Variants in LAMA3 observed in about 807,000 individuals in gnomAD.
LAMA3 encodes laminin subunit alpha 3.
A neutral mutation model predicts 402.0 loss-of-function variants in LAMA3; 281 were observed. The ratio of observed to expected loss-of-function variants is 0.70; its 90% CI spans 0.63 to 0.77. The LOEUF is 0.77. Among genes scored for constraint, LAMA3 ranks in the 30% least tolerant of loss-of-function variants. The pLI is 0.00. For missense variants in LAMA3, 3,840 were observed against 4,215.5 expected, an observed-to-expected ratio of 0.91 and a Z score of 2.47; for synonymous variants, 1,431 against 1,558.4, an observed-to-expected ratio of 0.92 and a Z score of 1.93.
rs752860014 is a variant in LAMA3 at position 23,901,215 on chromosome 18, C to T, written c.6093C>T (p.Tyr2031=). 9 of 1,614,018 alleles carry T rather than the reference C, an allele frequency of 5.6e-6. No individual in the cohort carries two copies. The highest frequency in any genetic ancestry group is 5.0e-5 in the Admixed American group (3 of 59,996). The change falls in exon 48 of 75, where the codon TAC becomes TAT. Residue 2031 remains tyrosine, a synonymous_variant. Transcript: ENST00000313654. ...GTATCCGGGATTCTTTAAATGAATA[C>T]GAAGCCAAACTCAGTGACCTTCGTG... ...ANSIRDSLNE[Y]EAKLSDLRAR...
At chr18:23,734,219 C>G (rs2061437089) in intron 2 of LAMA3, among the ~76,000 whole-genome samples, 3 of 152,208 alleles carry the variant, frequency 2.0e-5, no homozygotes, top group Admixed American at 1.3e-4. Context: ...CCTGGCTCAC[C>G]AGGATTTCCA....
In LAMA3 at chr18:23,875,708, G is replaced by A. The variant is rs2064686435; in HGVS notation, c.4999-586G>A. On this transcript the variant is annotated intron_variant, in intron 38 of 74. Coordinates refer to ENST00000313654, the MANE Select transcript of LAMA3 (RefSeq NM_198129.4). ...CCTCACCAGCCCAAACCCACACTTG[G>A]AGAGAAAACGGCTAGCCAAAGATAA... Among the ~76,000 whole-genome samples the A allele has an allele frequency of 2.0e-5, 3 of 152,148 alleles. No individual in the cohort carries two copies. The South Asian group carries it at 6.2e-4, about 32-fold the overall frequency.
intron 59 of LAMA3, among the ~76,000 whole-genome samples, chr18:23,916,107 T>C (rs1197572746): frequency 6.6e-6 from 1 of 151,726 alleles, no homozygotes; most frequent in Non-Finnish European, 1.5e-5. Context: ...ACTTTTTTGG[T>C]ACTCTTCCAC....
In LAMA3 at chr18:23,901,285, T is replaced by G; in HGVS notation, c.6163T>G (p.Leu2055Val). The part of the protein sequence containing the change: ...AAAQAKQANG[L>V]NQENERALGA... ...TGCCCAAGCCAAGCAGGCAAATGGC[T>G]TGAACCAAGAAAACGAGAGAGCTTT... The change falls in exon 48 of 75, where the codon TTG (leucine) becomes GTG (valine). Residue 2055 changes from leucine (L) to valine (V), a missense_variant. Around this residue, in one of 3 missense-constraint regions of LAMA3, gnomAD observed 891 missense variants for 857.5 expected, o/e 1.04. Transcript: ENST00000313654. The G allele has an allele frequency of 6.2e-7, 1 of 1,614,170 alleles. No individual in the cohort carries two copies. Among genetic ancestry groups the G allele is most frequent in the Non-Finnish European group, 8.5e-7 (1 of 1,180,026 alleles).
intron 12 of LAMA3, among the ~76,000 whole-genome samples, chr18:23,790,827 A>G (rs578215512): frequency 2.6e-5 from 4 of 152,210 alleles, no homozygotes; most frequent in African/African-American, 9.6e-5. Flanking sequence ...ACCATTATCT[A>G]TAAAGAGCAA....
chr18:23,895,124 A>T (rs1163728747), intron 44 of LAMA3, 66 bp downstream of exon 44: 2 of 1,524,534 alleles, frequency 1.3e-6, no homozygotes, highest in Non-Finnish European at 1.8e-6. Flanking sequence ...ATTCTCCATA[A>T]GCAGGAAGGG....
Position 23,784,047 on chromosome 18 carries a change from T to C in LAMA3, c.1493T>C (p.Val498Ala), listed in dbSNP as rs781450114. The stretch of plus-strand genomic sequence containing the variant: ...GGGTGTGACTGTAATCTGGAAGGTG[T>C]TCTCCCTGAAATATGTGATGCCCAC... ...IKGCDCNLEGVLPEICDAHGR... is the reference protein window; with the variant it reads ...IKGCDCNLEGALPEICDAHGR... Residue 498 changes from valine to alanine, a missense_variant, in exon 12 of 75, where the codon GTT becomes GCT. This residue lies in a region of LAMA3 where 2,109 missense variants were observed against 2,376.0 expected (regional missense o/e 0.89). Coordinates refer to ENST00000313654, the MANE Select transcript of LAMA3 (RefSeq NM_198129.4). 21 of 1,614,096 alleles carry C rather than the reference T, an allele frequency of 1.3e-5. No individual in the cohort carries two copies. The Admixed American group carries it at 3.5e-4, about 27-fold the overall frequency.
At chr18:23,857,192 C>G (rs141169152) in intron 32 of LAMA3, among the ~76,000 whole-genome samples, 490 of 152,320 alleles carry the variant, frequency 3.2e-3, no homozygotes, top group African/African-American at 0.011. Flanking sequence ...ATGGTCAGAG[C>G]TGGATTAGAA....
chr18:23,695,123 C>A, intron 1 of LAMA3, among the ~76,000 whole-genome samples: 1 of 152,158 alleles, frequency 6.6e-6, no homozygotes, highest in Non-Finnish European at 1.5e-5. Context: ...ACTGGACTCC[C>A]AGAAGCTGGA....
At chr18:23,835,320 C>T (rs1020687748) in intron 24 of LAMA3, among the ~76,000 whole-genome samples, 25 of 152,340 alleles carry the variant, frequency 1.6e-4, no homozygotes, top group Middle Eastern at 3.4e-3. Flanking sequence ...AGGAACTATT[C>T]ATAACAACCC....
chr18:23,884,385 G>A (rs886695605), intron 40 of LAMA3, among the ~76,000 whole-genome samples: 2 of 151,022 alleles, frequency 1.3e-5, no homozygotes, highest in African/African-American at 2.4e-5. Context: ...CAAGGAGAAC[G>A]TTTTTTTTTA....
intron 32 of LAMA3, among the ~76,000 whole-genome samples, chr18:23,856,099 G>C (rs938837263): frequency 6.6e-6 from 1 of 152,210 alleles, no homozygotes; most frequent in African/African-American, 2.4e-5. Flanking sequence ...TTTTACAGAT[G>C]AAGAAACTTG....
intron 2 of LAMA3, among the ~76,000 whole-genome samples, chr18:23,722,621 T>C (rs900573069): frequency 2.6e-5 from 4 of 152,166 alleles, no homozygotes; most frequent in Admixed American, 1.3e-4. Flanking sequence ...TAACAGAAAA[T>C]GAATTAAATA....
At chr18:23,931,013 A>G in intron 64 of LAMA3, 49 bp from the exon 65 acceptor site, 1 of 1,537,068 alleles carries the variant, frequency 6.5e-7, no homozygotes, top group African/African-American at 1.4e-5. Flanking sequence ...ATACAGGCAT[A>G]ATCCTTATAT....
At position 23,951,704 on chromosome 18, in the gene LAMA3, T is replaced by C. The variant is rs1599188677; in HGVS notation, c.9663T>C (p.Ser3221=). 1.9e-6 allele frequency: 3 copies of C among 1,613,872 alleles called. No individual in the cohort carries two copies. The highest frequency in any genetic ancestry group is 2.5e-6 in the Non-Finnish European group (3 of 1,179,902). The change falls in exon 73 of 75, where the codon AGT becomes AGC. Residue 3221 remains serine, a synonymous_variant. Transcript: ENST00000313654. ...TCCAGGTCACGGCCTCTATGGACAGTGGGGCAGGTGGGACCTCAACGTCGG... is the reference window on the plus strand; with the variant it reads ...TCCAGGTCACGGCCTCTATGGACAGCGGGGCAGGTGGGACCTCAACGTCGG... ...EAGKVTASMD[S]GAGGTSTSVT... is the part of the protein sequence containing the mutation.
intron 1 of LAMA3, among the ~76,000 whole-genome samples, chr18:23,690,618 C>G (rs1048330958): frequency 6.6e-6 from 1 of 152,134 alleles, no homozygotes; most frequent in African/African-American, 2.4e-5. Context: ...TAAGCAGCAT[C>G]TTGCAGTGCC....
chr18:23,693,755 G>T (rs1711454), intron 1 of LAMA3, among the ~76,000 whole-genome samples: 2 of 152,194 alleles, frequency 1.3e-5, no homozygotes, highest in South Asian at 4.1e-4. Context: ...TAATTTAGTG[G>T]CAATAATACA....
At chr18:23,800,015 C>G (rs2062839448) in intron 12 of LAMA3, among the ~76,000 whole-genome samples, 1 of 152,186 alleles carries the variant, frequency 6.6e-6, no homozygotes. Flanking sequence ...AAATGTTAAT[C>G]TCATCTAAAA....
chr18:23,936,244 T>C (rs980370275), intron 67 of LAMA3, among the ~76,000 whole-genome samples: 1 of 151,444 alleles, frequency 6.6e-6, no homozygotes. Context: ...TATATATATA[T>C]ATTTTTTATT....
Sources: allele counts gnomAD v4.1 joint callset (sites outside exome capture counted in the v4.1 genomes callset), GRCh38; gene constraint gnomAD v4.1.1; regional missense constraint gnomAD v4.1.1; transcripts MANE v1.5; gene names NCBI Gene and HGNC (gene_info 2026-07-23, HGNC 2026-07-21).